The following SLC8A2 variants were observed in gnomAD, a reference collection of about 807,000 sequenced individuals.
SLC8A2 encodes solute carrier family 8 member A2.
SLC8A2 carries 14 observed loss-of-function variants against 70.2 expected under a neutral mutation model. The observed-to-expected ratio is 0.20, with a 90% CI of 0.13 to 0.31. The LOEUF (loss-of-function observed/expected upper bound fraction) is 0.31. SLC8A2 is among the 10% of genes least tolerant of loss of function. The pLI, the probability that SLC8A2 is intolerant of heterozygous loss-of-function variation, is 1.00. For synonymous variants in SLC8A2, 575 were observed against 594.3 expected (o/e 0.97, Z 0.47); for missense variants, 779 against 1,320.1 (o/e 0.59, Z 6.35).
chr19:47,470,859 C>T (rs1359677234), intron 1 of SLC8A2, among the ~76,000 whole-genome samples: 3 of 152,008 alleles, frequency 2.0e-5, no homozygotes, highest in African/African-American at 7.2e-5. Flanking sequence ...CAGGGGAGAG[C>T]TGGGGTGGGT....
At position 47,432,455 on chromosome 19, in the gene SLC8A2, C is replaced by T. The variant is rs1303396921; in HGVS notation, c.2111-10G>A. The T allele has an allele frequency of 3.2e-6, 5 of 1,579,060 alleles. No individual in the cohort carries two copies. Among genetic ancestry groups the T allele is most frequent in the Non-Finnish European group, 4.3e-6 (5 of 1,162,974 alleles). ...TCCTCCTCCTCGTCCCCTGTGGGCA[C>T]ACGACCCAGCTGGGGCATACACTCA... is the stretch of plus-strand genomic sequence containing the variant. On this transcript the variant is annotated splice_polypyrimidine_tract_variant and intron_variant, in intron 8 of 9. Coordinates refer to ENST00000236877, the MANE Select transcript of SLC8A2 (RefSeq NM_015063.3). This position sits in a 1 kb window ranked among gnomAD's most constrained non-coding sequence, Gnocchi z 6.2.
At chr19:47,457,708 A>G (rs1005393185) in intron 2 of SLC8A2, 114 bp from the exon 3 acceptor site, 5 of 541,948 alleles carry the variant, frequency 9.2e-6, no homozygotes, top group Admixed American at 8.7e-5. Context: ...CCAACCCCCA[A>G]CCCCGCCCCG....
rs530658199 is a variant in SLC8A2 at position 47,462,134 on chromosome 19, G to A, written c.675+3595C>T. Among the ~76,000 whole-genome samples the A allele has an allele frequency of 1.1e-4, 17 of 152,018 alleles. No individual in the cohort carries two copies. In the South Asian group the frequency reaches 1.5e-3, roughly 13 times the overall value. Reference sequence around the variant, plus strand: ...TCCGCACGGGACAGTCCCACACAATGCAGAAATGTCCCATATGCCGTCTCA... The same window carrying A: ...TCCGCACGGGACAGTCCCACACAATACAGAAATGTCCCATATGCCGTCTCA... On this transcript the variant is annotated intron_variant, in intron 2 of 9. Coordinates refer to ENST00000236877, the MANE Select transcript of SLC8A2 (RefSeq NM_015063.3).
At chr19:47,436,798 T>C (rs1395064135) in intron 8 of SLC8A2, among the ~76,000 whole-genome samples, 1 of 152,046 alleles carries the variant, frequency 6.6e-6, no homozygotes, top group Non-Finnish European at 1.5e-5. Flanking sequence ...TGTCGTAGTG[T>C]CTCTAGCCAC....
chr19:47,465,442 C>T lies in SLC8A2; in HGVS notation c.675+287G>A, dbSNP rs547265387. Reference sequence around the variant, plus strand: ...GCCCCTTCCAAGTGAGTGTACTGTTCTTAAGTGCAAAACAGTGCGTCCCTC... The same window carrying T: ...GCCCCTTCCAAGTGAGTGTACTGTTTTTAAGTGCAAAACAGTGCGTCCCTC... On this transcript the variant is annotated intron_variant, in intron 2 of 9. Transcript: ENST00000236877. The surrounding 1 kb of genome is among the most constrained non-coding windows in gnomAD (Gnocchi z 5.5). Among the ~76,000 whole-genome samples, 6 of 152,220 alleles carry T rather than the reference C, an allele frequency of 3.9e-5. No individual in the cohort carries two copies. The highest frequency in any genetic ancestry group is 1.3e-4 in the Admixed American group (2 of 15,276).
intron 3 of SLC8A2, among the ~76,000 whole-genome samples, chr19:47,455,455 G>A (rs1470691392): frequency 1.3e-5 from 2 of 152,132 alleles, no homozygotes; most frequent in African/African-American, 4.8e-5. Context: ...TCTTTCCCAG[G>A]AGAATGTCAG....
chr19:47,457,746 TTTTC>T lies in SLC8A2; in HGVS notation c.676-156_676-153del, dbSNP rs369580416. ...GTCTCTCCCTATCCCTTTCTGTTTC[TTTTC>T]TTTCTTTCTTTCTTTCCTTTCTTTC... On this transcript the variant is annotated intron_variant, in intron 2 of 9. Coordinates refer to ENST00000236877, the MANE Select transcript of SLC8A2 (RefSeq NM_015063.3). The T allele has an allele frequency of 1.5e-3, 553 of 379,812 alleles. 5 individuals are homozygous for T. The Admixed American group carries it at 0.017, about 12-fold the overall frequency. The allele number at this position is 379,812 out of a possible 1,614,324, so 23.5% of individuals were successfully genotyped here.
intron 4 of SLC8A2, among the ~76,000 whole-genome samples, chr19:47,446,688 G>C (rs1331283485): frequency 6.6e-6 from 1 of 152,170 alleles, no homozygotes; most frequent in Non-Finnish European, 1.5e-5. Flanking sequence ...TGGCACTACA[G>C]ACATGCGCCA....
chr19:47,465,669 A>G lies in SLC8A2; in HGVS notation c.675+60T>C, dbSNP rs1967447873. ...GCAATCAACACTCCAAGCCAAGAGCACCTCTCTGGATTTTGCAGACACACA... is the reference window on the plus strand; with the variant it reads ...GCAATCAACACTCCAAGCCAAGAGCGCCTCTCTGGATTTTGCAGACACACA... On this transcript the variant is annotated intron_variant, in intron 2 of 9. Coordinates refer to ENST00000236877, the MANE Select transcript of SLC8A2 (RefSeq NM_015063.3). This position sits in a 1 kb window ranked among gnomAD's most constrained non-coding sequence, Gnocchi z 5.5. 7.2e-7 allele frequency: 1 copy of G among 1,384,504 alleles called. No individual in the cohort carries two copies. Among genetic ancestry groups the G allele is most frequent in the Non-Finnish European group, 9.9e-7 (1 of 1,013,518 alleles). The allele number at this position is 1,384,504 out of a possible 1,614,324, so 85.8% of individuals were successfully genotyped here.
chr19:47,457,240 G>A lies in SLC8A2; in HGVS notation c.1030C>T (p.Leu344=), dbSNP rs1967317759. ...LVGIANYYAL[L]HQQKSRAFYR... is the part of the protein sequence containing the mutation. ...AAGGCGCGGCTCTTCTGCTGGTGCA[G>A]CAGCGCGTAGTAGTTGGCGATGCCC... is the stretch of plus-strand genomic sequence containing the variant. Residue 344 remains leucine (L), a synonymous_variant, in exon 3 of 10, where the codon CTG becomes TTG. Transcript: ENST00000236877. 3.9e-6 allele frequency: 6 copies of A among 1,546,900 alleles called. No homozygotes were observed. Among genetic ancestry groups the A allele is most frequent in the Non-Finnish European group, 5.2e-6 (6 of 1,145,712 alleles).
At chr19:47,437,669 C>A in intron 7 of SLC8A2, 108 bp from the exon 8 acceptor site, 1 of 1,157,674 alleles carries the variant, frequency 8.6e-7, no homozygotes, top group Non-Finnish European at 1.3e-6. Context: ...GGGTCCTCAA[C>A]TTTCCACACC....
chr19:47,431,681 CA>C (rs1568438663), intron 9 of SLC8A2, among the ~76,000 whole-genome samples: 2 of 35,990 alleles, frequency 5.6e-5, no homozygotes, highest in South Asian at 1.8e-3. Flanking sequence ...AAAAAAAAAA[CA>C]AAACCCAAAA....
intron 4 of SLC8A2, 28 bp from the exon 5 acceptor site, chr19:47,441,468 A>G (rs1360802652): frequency 1.4e-6 from 2 of 1,419,354 alleles, no homozygotes; most frequent in Admixed American, 3.6e-5. Context: ...GGGAGGCAGA[A>G]CACTCAGTGT....
In SLC8A2 at chr19:47,466,429, A is replaced by T. The variant is rs1476537541; in HGVS notation, c.-16-10T>A. ...GGGGGGTGGTGGGGTCCTATGGGGG[A>T]GGAGGAGGAGGTCTGGGTGAGGGAA... On this transcript the variant is annotated splice_polypyrimidine_tract_variant and intron_variant, in intron 1 of 9. Transcript: ENST00000236877. The surrounding 1 kb of genome is among the most constrained non-coding windows in gnomAD (Gnocchi z 6.9). 2 of 955,130 alleles carry T rather than the reference A, an allele frequency of 2.1e-6. No homozygotes were observed. Among genetic ancestry groups the T allele is most frequent in the Admixed American group, 3.0e-5 (1 of 33,652 alleles). 59.2% of individuals were successfully genotyped at this position (955,130 alleles called of 1,614,324 possible).
chr19:47,431,109 G>A (rs1966952374), intron 9 of SLC8A2, among the ~76,000 whole-genome samples: 1 of 152,056 alleles, frequency 6.6e-6, no homozygotes, highest in Admixed American at 6.5e-5. Flanking sequence ...GCTCACTGCA[G>A]CCTCATTTTC....
At position 47,448,256 on chromosome 19, in the gene SLC8A2, G is replaced by A. The variant is rs754669791; in HGVS notation, c.1341-25C>T. 6.4e-7 allele frequency: 1 copy of A among 1,562,284 alleles called. No homozygotes were observed. Among genetic ancestry groups the A allele is most frequent in the Non-Finnish European group, 8.7e-7 (1 of 1,149,676 alleles). On this transcript the variant is annotated intron_variant, in intron 3 of 9. Transcript: ENST00000236877. This position sits in a 1 kb window ranked among gnomAD's most constrained non-coding sequence, Gnocchi z 4.8. ...GCTGCGGCGGGGTGGGGAGGGGGAA[G>A]AGCGGGGTGAGGGTCGGTCATCGGC...
chr19:47,446,644 C>T (rs1253296386), intron 4 of SLC8A2, among the ~76,000 whole-genome samples: 1 of 152,168 alleles, frequency 6.6e-6, no homozygotes, highest in African/African-American at 2.4e-5. Context: ...CTCCAAGGCT[C>T]ATGCCATCCT....
At position 47,448,338 on chromosome 19, in the gene SLC8A2, A is replaced by G; in HGVS notation, c.1341-107T>C. 5.0e-6 allele frequency: 4 copies of G among 796,804 alleles called. No individual in the cohort carries two copies. In the South Asian group the frequency reaches 7.0e-5, roughly 14 times the overall value. The allele number at this position is 796,804 out of a possible 1,614,324, so 49.4% of individuals were successfully genotyped here. A position where few individuals can be genotyped will look rare whatever the true frequency, so the allele number is the denominator to read the frequency against. ...TTCCCAGAGGAGACGTAGGTGCCAT[A>G]GAAGAACTCCCAAGTATGAGGGTCG... On this transcript the variant is annotated intron_variant, in intron 3 of 9. Coordinates refer to ENST00000236877, the MANE Select transcript of SLC8A2 (RefSeq NM_015063.3). This position sits in a 1 kb window ranked among gnomAD's most constrained non-coding sequence, Gnocchi z 4.8.
intron 2 of SLC8A2, among the ~76,000 whole-genome samples, chr19:47,458,542 TCTTA>T (rs1442349418): frequency 7.3e-6 from 1 of 137,916 alleles, no homozygotes; most frequent in Non-Finnish European, 1.6e-5. Flanking sequence ...TCCGTCCCTC[TCTTA>T]GTTTCTCTCA....
Sources: gnomAD v4.1 joint callset for allele counts (sites outside exome capture counted in the v4.1 genomes callset) on GRCh38, gnomAD v4.1.1 for gene constraint, Gnocchi (gnomAD v3.1) non-coding constraint, MANE v1.5 for transcripts, NCBI Gene and HGNC (gene_info 2026-07-23, HGNC 2026-07-21) for gene names.